Variants in DOCK1 observed in about 807,000 individuals in gnomAD.
The protein encoded by DOCK1 is dedicator of cytokinesis 1.
In DOCK1, 138 loss-of-function variants were observed where a neutral mutation model predicts 262.7. The observed-to-expected ratio is 0.53, with a 90% CI of 0.46 to 0.61. DOCK1 has a LOEUF of 0.61. Among genes scored for constraint, DOCK1 ranks in the 20% least tolerant of loss-of-function variants. The pLI is 0.00. For missense variants in DOCK1, 1,908 were observed against 2,370.7 expected (o/e 0.80, Z 4.05); for synonymous variants, 866 against 867.4 (o/e 1.00, Z 0.03).
At chr10:127,270,314 G>A (rs7077088) in intron 29 of DOCK1, among the ~76,000 whole-genome samples, 2,375 of 152,316 alleles carry the variant, frequency 0.016, 65 homozygotes, top group African/African-American at 0.055. Flanking sequence ...GTAACTCAGC[G>A]AGAATTCCTT....
At chr10:127,354,079 A>C (rs551619965) in intron 31 of DOCK1, among the ~76,000 whole-genome samples, 24 of 152,202 alleles carry the variant, frequency 1.6e-4, no homozygotes, top group Non-Finnish European at 3.5e-4. Flanking sequence ...GGAGCATCAA[A>C]TTCTGTTTAC....
At chr10:126,931,762 A>G (rs1411350949) in intron 1 of DOCK1, among the ~76,000 whole-genome samples, 2 of 152,018 alleles carry the variant, frequency 1.3e-5, no homozygotes, top group Admixed American at 6.6e-5. Flanking sequence ...CCAGGAACCA[A>G]TGTGTCTTCA....
chr10:127,360,688 T>G (rs2064375360), intron 32 of DOCK1, among the ~76,000 whole-genome samples: 1 of 152,254 alleles, frequency 6.6e-6, no homozygotes, highest in African/African-American at 2.4e-5. Context: ...AGTGGACAGC[T>G]CAAACGATTT....
chr10:127,242,606 C>G (rs2134712397), intron 27 of DOCK1, among the ~76,000 whole-genome samples: 2 of 152,174 alleles, frequency 1.3e-5, no homozygotes, highest in South Asian at 4.1e-4. Flanking sequence ...GAATGCGCCC[C>G]AAAAGAAAAA....
At chr10:127,411,571 T>C (rs1166953362) in intron 43 of DOCK1, among the ~76,000 whole-genome samples, 13 of 152,178 alleles carry the variant, frequency 8.5e-5, no homozygotes, top group Admixed American at 8.5e-4. Context: ...CCAGGCATGG[T>C]GGCTCACACC....
chr10:127,156,629 C>T (rs1434692234), intron 27 of DOCK1, among the ~76,000 whole-genome samples: 3 of 124,398 alleles, frequency 2.4e-5, no homozygotes, highest in Non-Finnish European at 3.2e-5. Context: ...GTGCAATGGG[C>T]ACAATCTGGG....
intron 47 of DOCK1, among the ~76,000 whole-genome samples, chr10:127,429,922 C>T (rs1001923966): frequency 3.9e-5 from 6 of 152,216 alleles, no homozygotes; most frequent in African/African-American, 1.4e-4. Flanking sequence ...AGGTTTCTCA[C>T]CAAAACTTCA....
chr10:127,249,953 G>A (rs565270362), intron 28 of DOCK1, among the ~76,000 whole-genome samples: 5 of 152,324 alleles, frequency 3.3e-5, no homozygotes, highest in South Asian at 4.1e-4. Flanking sequence ...TGTGTAACCT[G>A]TATCCTGTTT....
chr10:127,444,900 T>G (rs374665957), intron 50 of DOCK1, among the ~76,000 whole-genome samples: 1 of 151,380 alleles, frequency 6.6e-6, no homozygotes, highest in Admixed American at 6.6e-5. Context: ...CTCCTTGGCT[T>G]GTGGCCACAT....
At chr10:127,108,448 A>T (rs2048670528) in intron 24 of DOCK1, among the ~76,000 whole-genome samples, 1 of 152,204 alleles carries the variant, frequency 6.6e-6, no homozygotes. Context: ...TTAGCTGGGC[A>T]TGATGGCGGG....
chr10:126,954,546 C>T (rs1164042994), intron 1 of DOCK1, among the ~76,000 whole-genome samples: 1 of 152,200 alleles, frequency 6.6e-6, no homozygotes, highest in African/African-American at 2.4e-5. Flanking sequence ...CTCTTTTCTT[C>T]TTCCTGAAGA....
intron 33 of DOCK1, among the ~76,000 whole-genome samples, chr10:127,362,870 C>CACACACAT (rs2064592516): frequency 8.3e-6 from 1 of 120,904 alleles, no homozygotes; most frequent in Non-Finnish European, 1.7e-5. Context: ...TCCCCACACA[C>CACACACAT]ACACATACAC....
intron 19 of DOCK1, among the ~76,000 whole-genome samples, 184 bp from the exon 20 acceptor site, chr10:127,042,441 T>C (rs912347379): frequency 6.6e-6 from 1 of 152,188 alleles, no homozygotes; most frequent in Non-Finnish European, 1.5e-5. Context: ...TTCTTTGTTC[T>C]GAATTCGCTC....
Position 127,175,016 on chromosome 10 carries a change from G to A in DOCK1, c.2847+47252G>A, listed in dbSNP as rs1043335525. Among the ~76,000 whole-genome samples the A allele has an allele frequency of 2.0e-5, 3 of 152,178 alleles. No homozygotes were observed. Among genetic ancestry groups the A allele is most frequent in the Admixed American group, 6.5e-5 (1 of 15,270 alleles). On this transcript the variant is annotated intron_variant, in intron 27 of 51. Transcript: ENST00000623213. This position sits in a 1 kb window ranked among gnomAD's most constrained non-coding sequence, Gnocchi z 6.3. ...GAAAGATGAACATTAACCAGAAAGC[G>A]TATCGTGCAGGATGCAGTGACGTCT...
intron 37 of DOCK1, among the ~76,000 whole-genome samples, chr10:127,384,515 G>T (rs1466938530): frequency 6.6e-6 from 1 of 152,220 alleles, no homozygotes; most frequent in African/African-American, 2.4e-5. Flanking sequence ...AATGTTAGGA[G>T]GTGTCATTTG....
intron 1 of DOCK1, among the ~76,000 whole-genome samples, chr10:126,947,265 A>C (rs2035497349): frequency 6.6e-6 from 1 of 151,966 alleles, no homozygotes; most frequent in African/African-American, 2.4e-5. Flanking sequence ...GGTTGGTAGT[A>C]CTACTGTTGG....
rs545082238 is a variant in DOCK1 at position 127,192,173 on chromosome 10, T to A, written c.2848-55835T>A. On this transcript the variant is annotated intron_variant, in intron 27 of 51. Coordinates refer to ENST00000623213, the MANE Select transcript of DOCK1 (RefSeq NM_001290223.2). ...CTTTTCTTTTTTTGCTCAAACTTCC[T>A]AACAGCAGGATAGTGTGGTAAAGAG... 7.2e-5 allele frequency among the ~76,000 whole-genome samples: 11 copies of A among 152,328 alleles called. No homozygotes were observed. The South Asian group carries it at 2.3e-3, about 32-fold the overall frequency.
rs934189099 is a variant in DOCK1, at chr10:126,964,924, C to A, written c.47-5778C>A. Among the ~76,000 whole-genome samples, 354 of 152,310 alleles carry A rather than the reference C, an allele frequency of 2.3e-3. 2 individuals are homozygous for A. The highest frequency in any genetic ancestry group is 0.014 in the Middle Eastern group (4 of 294). On this transcript the variant is annotated intron_variant, in intron 1 of 51. Coordinates refer to ENST00000623213, the MANE Select transcript of DOCK1 (RefSeq NM_001290223.2). ...AGACGAACAAATGCTACAGCTTTTG[C>A]TTTTCCTCTTTCAGACTGCATGAGG... is the stretch of plus-strand genomic sequence containing the variant.
Position 127,255,957 on chromosome 10 carries a change from G to A in DOCK1, c.2950-1378G>A, listed in dbSNP as rs77595244. ...AATTAAACTGGAAAAGAAGCCATTT[G>A]TTGTGTCGGAAGGGAGGACTGGGAT... On this transcript the variant is annotated intron_variant, in intron 28 of 51. Coordinates refer to ENST00000623213, the MANE Select transcript of DOCK1 (RefSeq NM_001290223.2). Among the ~76,000 whole-genome samples the A allele has an allele frequency of 4.5e-4, 69 of 152,328 alleles. 1 individual carries two copies. The East Asian group carries it at 0.011, about 24-fold the overall frequency.
Sources: allele counts gnomAD v4.1 joint callset (sites outside exome capture counted in the v4.1 genomes callset), GRCh38; gene constraint gnomAD v4.1.1; non-coding constraint Gnocchi (gnomAD v3.1); transcripts MANE v1.5; gene names NCBI Gene and HGNC (gene_info 2026-07-23, HGNC 2026-07-21).